ZNF385D: variants seen among roughly 807,000 people sequenced by gnomAD.
The protein encoded by ZNF385D is zinc finger protein 659.
In ZNF385D, 15 loss-of-function variants were observed where a neutral mutation model predicts 35.8. The observed-to-expected ratio is 0.42, with a 90% confidence interval of 0.28 to 0.64. The LOEUF is 0.64. Among genes scored for constraint, ZNF385D ranks in the 30% least tolerant of loss-of-function variants. ZNF385D has a pLI of 0.23. For synonymous variants in ZNF385D, 212 were observed against 186.8 expected, an observed-to-expected ratio of 1.13 and a Z score of -1.10; for missense variants, 474 against 494.6, an observed-to-expected ratio of 0.96 and a Z score of 0.39.
At chr3:22,047,540 G>A (rs542452289) in intron 3 of ZNF385D, among the ~76,000 whole-genome samples, 24 of 152,096 alleles carry the variant, frequency 1.6e-4, no homozygotes, top group African/African-American at 5.5e-4. Context: ...AACATAATGT[G>A]CTCCAAGCTC....
At chr3:22,293,850 C>T (rs1702431121) in intron 2 of ZNF385D, among the ~76,000 whole-genome samples, 1 of 152,094 alleles carries the variant, frequency 6.6e-6, no homozygotes, top group Non-Finnish European at 1.5e-5. Flanking sequence ...TCTGTTCCTG[C>T]AATCCCTCCA....
intron 2 of ZNF385D, among the ~76,000 whole-genome samples, chr3:21,652,496 T>A (rs2065946716): frequency 6.6e-6 from 1 of 152,146 alleles, no homozygotes; most frequent in Non-Finnish European, 1.5e-5. Context: ...TATTATACTT[T>A]AAGTTTTAGG....
intron 3 of ZNF385D, among the ~76,000 whole-genome samples, chr3:21,551,910 G>A (rs960158407): frequency 6.6e-6 from 1 of 152,072 alleles, no homozygotes; most frequent in Non-Finnish European, 1.5e-5. Flanking sequence ...GATAGGAAGG[G>A]TTAAAAAAAT....
chr3:22,209,654 G>A (rs2728980), intron 2 of ZNF385D, among the ~76,000 whole-genome samples: 91,942 of 151,464 alleles, frequency 0.61, 29,983 homozygotes, highest in African/African-American at 0.85. Context: ...TTATTCTTTT[G>A]CATTTATTTT....
intron 2 of ZNF385D, among the ~76,000 whole-genome samples, chr3:22,313,197 A>G (rs1246452465): frequency 6.7e-6 from 1 of 149,306 alleles, no homozygotes; most frequent in Non-Finnish European, 1.5e-5. Context: ...GGAAATGAAC[A>G]ATGAGAACAC....
chr3:22,104,056 G>A (rs1702078215), intron 3 of ZNF385D, among the ~76,000 whole-genome samples: 1 of 151,970 alleles, frequency 6.6e-6, no homozygotes. Context: ...TGCCAGCCTT[G>A]GGGAGTGAGG....
In ZNF385D at chr3:21,473,969, A is replaced by G. The variant is rs114244072; in HGVS notation, c.440-36766T>C. On this transcript the variant is annotated intron_variant, in intron 4 of 7. Coordinates refer to ENST00000281523, the MANE Select transcript of ZNF385D (RefSeq NM_024697.3). ...TATTTTATATCATATATGCCTTGTT[A>G]TATATATATAAATATGTGTAAGCTA... is the stretch of plus-strand genomic sequence containing the variant. Among the ~76,000 whole-genome samples, 783 of 152,026 alleles carry G rather than the reference A, an allele frequency of 5.2e-3. 2 individuals are homozygous for G. Among genetic ancestry groups the G allele is most frequent in the African/African-American group, 0.018 (748 of 41,466 alleles).
At chr3:22,040,005 T>G (rs145001765) in intron 3 of ZNF385D, among the ~76,000 whole-genome samples, 2 of 152,270 alleles carry the variant, frequency 1.3e-5, no homozygotes, top group Non-Finnish European at 2.9e-5. Flanking sequence ...TTTGGCCTCC[T>G]GCTCCCGCCA....
At chr3:22,363,383 C>G (rs375233000) in intron 2 of ZNF385D, among the ~76,000 whole-genome samples, 1 of 152,130 alleles carries the variant, frequency 6.6e-6, no homozygotes, top group Non-Finnish European at 1.5e-5. Flanking sequence ...AGGGCATTGT[C>G]TAAGAGGTAT....
chr3:22,272,191 AG>A (rs1362487004), intron 2 of ZNF385D, among the ~76,000 whole-genome samples: 1 of 152,066 alleles, frequency 6.6e-6, no homozygotes, highest in African/African-American at 2.4e-5. Flanking sequence ...CGACGCCACG[AG>A]GGCTAGGACT....
At chr3:22,209,563 T>C (rs1413868492) in intron 2 of ZNF385D, among the ~76,000 whole-genome samples, 1 of 151,930 alleles carries the variant, frequency 6.6e-6, no homozygotes, top group Non-Finnish European at 1.5e-5. Context: ...AAACCACTTA[T>C]TTTTGTTCCA....
At chr3:22,042,411 T>C (rs549843829) in intron 3 of ZNF385D, among the ~76,000 whole-genome samples, 2 of 152,230 alleles carry the variant, frequency 1.3e-5, no homozygotes, top group South Asian at 4.1e-4. Flanking sequence ...TGTAGATTTC[T>C]ATACTTAGTT....
intron 2 of ZNF385D, among the ~76,000 whole-genome samples, chr3:22,322,539 C>A (rs185537256): frequency 6.6e-6 from 1 of 152,122 alleles, no homozygotes; most frequent in Non-Finnish European, 1.5e-5. Context: ...CAGTCTATCC[C>A]AATCTTTTCT....
chr3:22,088,885 C>T (rs778169144), intron 3 of ZNF385D, among the ~76,000 whole-genome samples: 1 of 151,942 alleles, frequency 6.6e-6, no homozygotes, highest in Non-Finnish European at 1.5e-5. Context: ...ACCTAAATAG[C>T]ATCAAGAGAA....
intron 3 of ZNF385D, among the ~76,000 whole-genome samples, chr3:21,797,961 G>C (rs1209873184): frequency 6.6e-6 from 1 of 152,168 alleles, no homozygotes; most frequent in African/African-American, 2.4e-5. Flanking sequence ...AATATTAGAA[G>C]TGTATTCAAA....
At chr3:22,147,924 C>A (rs899126760) in intron 3 of ZNF385D, among the ~76,000 whole-genome samples, 11 of 152,050 alleles carry the variant, frequency 7.2e-5, no homozygotes, top group Non-Finnish European at 1.3e-4. Context: ...GGCTCCAATA[C>A]AGAAAAAAAG....
At chr3:21,889,282 T>G (rs1358534912) in intron 3 of ZNF385D, among the ~76,000 whole-genome samples, 1 of 152,144 alleles carries the variant, frequency 6.6e-6, no homozygotes, top group African/African-American at 2.4e-5. Context: ...AGTATTGCCA[T>G]AGATCCTCCC....
At chr3:21,572,430 G>T (rs1337887984) in intron 2 of ZNF385D, among the ~76,000 whole-genome samples, 2 of 152,066 alleles carry the variant, frequency 1.3e-5, no homozygotes, top group Non-Finnish European at 2.9e-5. Flanking sequence ...CTAAATGATT[G>T]TATTGATGGG....
At chr3:22,105,480 C>G (rs1218552372) in intron 3 of ZNF385D, among the ~76,000 whole-genome samples, 1 of 152,032 alleles carries the variant, frequency 6.6e-6, no homozygotes, top group Non-Finnish European at 1.5e-5. Context: ...AAAATATTGG[C>G]TCACACAATT....
Sources: allele counts gnomAD v4.1 joint callset (sites outside exome capture counted in the v4.1 genomes callset), GRCh38; gene constraint gnomAD v4.1.1; transcripts MANE v1.5; gene names NCBI Gene and HGNC (gene_info 2026-07-23, HGNC 2026-07-21).